NAALAD2: variants seen among roughly 807,000 people sequenced by gnomAD.
NAALAD2 encodes the protein N-acetylated alpha-linked acidic dipeptidase 2, also known as N-acetylated-alpha-linked acidic dipeptidase 2.
A neutral mutation model predicts 95.6 loss-of-function variants in NAALAD2; 89 were observed. The ratio of observed to expected loss-of-function variants is 0.93; its 90% CI spans 0.78 to 1.11. The LOEUF (loss-of-function observed/expected upper bound fraction) is 1.11, where lower values mean the gene tolerates loss of function less well. Among genes scored for constraint, NAALAD2 ranks in the 50% least tolerant of loss-of-function variants. The probability of loss-of-function intolerance (pLI) is 0.00; values close to 1 mark genes in which losing one functional copy is unlikely to be tolerated. For synonymous variants in NAALAD2, 264 were observed against 294.4 expected, an observed-to-expected ratio of 0.90 and a Z score of 1.06; for missense variants, 894 against 872.4, an observed-to-expected ratio of 1.02 and a Z score of -0.31.
chr11:90,152,983 G>A (rs529709509), intron 6 of NAALAD2, among the ~76,000 whole-genome samples: 2 of 152,136 alleles, frequency 1.3e-5, no homozygotes, highest in Admixed American at 6.5e-5. Context: ...TCTCAAAAAA[G>A]CTTCCTCTCG....
chr11:90,133,144 T>C (rs1032826387), upstream of NAALAD2, among the ~76,000 whole-genome samples: 18 of 152,342 alleles, frequency 1.2e-4, no homozygotes, highest in Admixed American at 3.9e-4. Flanking sequence ...AAAGGTGCAT[T>C]ACCTAAAGCT....
In NAALAD2 at chr11:90,140,770, A is replaced by G. The variant is rs1432865625; in HGVS notation, c.194+5100A>G. On this transcript the variant is annotated intron_variant, in intron 2 of 18. Transcript: ENST00000534061. ...CTTTTTGGATCATGCTTTTGGGTTC[A>G]TATCTAAGAACTCTTTGATCTGGAC... is the stretch of plus-strand genomic sequence containing the variant. Among the ~76,000 whole-genome samples the G allele has an allele frequency of 2.0e-5, 3 of 152,210 alleles. No individual in the cohort carries two copies. The South Asian group carries it at 6.2e-4, about 32-fold the overall frequency.
rs937090697 is a variant in NAALAD2 at position 90,161,785 on chromosome 11, G to A, written c.990-1164G>A. 3.3e-5 allele frequency among the ~76,000 whole-genome samples: 5 copies of A among 151,702 alleles called. No individual in the cohort carries two copies. The East Asian group carries it at 5.8e-4, about 18-fold the overall frequency. On this transcript the variant is annotated intron_variant, in intron 8 of 18. Coordinates refer to ENST00000534061, the MANE Select transcript of NAALAD2 (RefSeq NM_005467.4). ...TTTCTTCTTTTAATGACACAATACC[G>A]ATGAATTTGGGTTTCTTACTAATCA... is the stretch of plus-strand genomic sequence containing the variant.
chr11:90,158,111 A>C, intron 6 of NAALAD2, 34 bp from the exon 7 acceptor site: 4 of 1,450,846 alleles, frequency 2.8e-6, no homozygotes, highest in Non-Finnish European at 3.8e-6. Context: ...CAGATTTTTA[A>C]ATTGTTTTCA....
intron 6 of NAALAD2, 21 bp from the exon 7 acceptor site, chr11:90,158,124 T>A (rs776523886): frequency 6.6e-7 from 1 of 1,518,434 alleles, no homozygotes; most frequent in Non-Finnish European, 9.1e-7. Context: ...TGTTTTCATT[T>A]TATGCATTTG....
In NAALAD2 at chr11:90,175,952, G is replaced by GTGTGTGTGTGTGT; in HGVS notation, c.1503-20_1503-19insTGTGTGTGTGTGT. ...TATGTGTGTGTGTGTGTGTGTGTGTGGATTGCATTCTACATCTAGAATCAA... is the reference window on the plus strand; with the variant it reads ...TATGTGTGTGTGTGTGTGTGTGTGTGTGTGTGTGTGTGTGATTGCATTCTACATCTAGAATCAA... On this transcript the variant is annotated intron_variant, in intron 14 of 18. Coordinates refer to ENST00000534061, the MANE Select transcript of NAALAD2 (RefSeq NM_005467.4). The GTGTGTGTGTGTGT allele has an allele frequency of 7.7e-6, 11 of 1,436,772 alleles. No homozygotes were observed. The highest frequency in any genetic ancestry group is 9.8e-6 in the Non-Finnish European group (10 of 1,019,602). 89.0% of individuals were successfully genotyped at this position (1,436,772 alleles called of 1,614,324 possible). A position where few individuals can be genotyped will look rare whatever the true frequency, so the allele number is the denominator to read the frequency against.
At chr11:90,154,856 T>TATGTATATAGTATATACGTATACATA (rs1387984827) in intron 6 of NAALAD2, among the ~76,000 whole-genome samples, 2 of 143,430 alleles carry the variant, frequency 1.4e-5, no homozygotes, top group African/African-American at 5.1e-5. Context: ...GTATACATAA[T>TATGTATATAGTATATACGTATACATA]ATGTATATAT....
chr11:90,183,025 C>G lies in NAALAD2; in HGVS notation c.2033+17C>G. Reference sequence around the variant, plus strand: ...GTTCTATAGGTAAGGAAACAACAGGCGCCAAATACATCACTGTGACCAAAA... The same window carrying G: ...GTTCTATAGGTAAGGAAACAACAGGGGCCAAATACATCACTGTGACCAAAA... On this transcript the variant is annotated intron_variant, in intron 18 of 18. Coordinates refer to ENST00000534061, the MANE Select transcript of NAALAD2 (RefSeq NM_005467.4). 1 of 1,580,182 alleles carries G rather than the reference C, an allele frequency of 6.3e-7. No homozygotes were observed. The highest frequency in any genetic ancestry group is 8.7e-7 in the Non-Finnish European group (1 of 1,149,836).
intron 18 of NAALAD2, among the ~76,000 whole-genome samples, chr11:90,188,849 A>G (rs1857239769): frequency 6.6e-6 from 1 of 152,048 alleles, no homozygotes; most frequent in South Asian, 2.1e-4. Context: ...TTTTTTCCCT[A>G]ATGAAAGTTC....
At chr11:90,166,588 C>A (rs10765260) in intron 11 of NAALAD2, among the ~76,000 whole-genome samples, 68,577 of 151,972 alleles carry the variant, frequency 0.45, 16,521 homozygotes, top group African/African-American at 0.62. Flanking sequence ...GTTATCCCAG[C>A]ACTTTGGGAG....
chr11:90,189,006 G>A (rs1163315466), intron 18 of NAALAD2, among the ~76,000 whole-genome samples: 1 of 152,232 alleles, frequency 6.6e-6, no homozygotes, highest in African/African-American at 2.4e-5. Context: ...AATCAGCTGA[G>A]TTAAAATAGG....
intron 6 of NAALAD2, among the ~76,000 whole-genome samples, chr11:90,154,811 AAT>A (rs1951988000): frequency 4.1e-5 from 6 of 146,866 alleles, no homozygotes; most frequent in African/African-American, 1.5e-4. Context: ...ATATATATGT[AAT>A]ATATGTAATA....
chr11:90,152,429 T>G lies in NAALAD2; in HGVS notation c.741T>G (p.Asn247Lys). ...CTGGAACTGCAGCCCAGAGAGGAAA[T>G]GTGTTAAATTTGAATGGTGCTGGTG... ...NLPGTAAQRGNVLNLNGAGDP... is the reference protein window; with the variant it reads ...NLPGTAAQRGKVLNLNGAGDP... Residue 247 changes from asparagine to lysine, a missense_variant, in exon 6 of 19, where the codon AAT becomes AAG. By Grantham distance (94) the Asn-to-Lys change is moderately conservative (BLOSUM62 0). Coordinates refer to ENST00000534061, the MANE Select transcript of NAALAD2 (RefSeq NM_005467.4). The G allele has an allele frequency of 6.2e-7, 1 of 1,613,698 alleles. No homozygotes were observed. The highest frequency in any genetic ancestry group is 8.5e-7 in the Non-Finnish European group (1 of 1,179,788).
intron 6 of NAALAD2, among the ~76,000 whole-genome samples, chr11:90,156,107 A>G (rs1192138565): frequency 1.3e-5 from 2 of 151,714 alleles, no homozygotes; most frequent in Non-Finnish European, 2.9e-5. Flanking sequence ...GATGTTAGCA[A>G]TTTAGTCATT....
upstream of NAALAD2, among the ~76,000 whole-genome samples, chr11:90,134,245 G>A (rs1027965245): frequency 6.6e-6 from 1 of 152,190 alleles, no homozygotes; most frequent in Non-Finnish European, 1.5e-5. Context: ...GATGCTGACA[G>A]TGATTGCGGT....
intron 7 of NAALAD2, 142 bp downstream of exon 7, chr11:90,158,380 C>G (rs1222533883): frequency 1.7e-6 from 1 of 588,080 alleles, no homozygotes; most frequent in East Asian, 3.1e-5. Flanking sequence ...ACAGAGTATA[C>G]TATCTTTTTA....
At chr11:90,136,732 G>A (rs1434912975) in intron 2 of NAALAD2, among the ~76,000 whole-genome samples, 1 of 152,168 alleles carries the variant, frequency 6.6e-6, no homozygotes, top group African/African-American at 2.4e-5. Context: ...AAGCTGCTAT[G>A]AACAGATGTT....
chr11:90,149,069 C>G lies in NAALAD2; in HGVS notation c.445C>G (p.Pro149Ala). 1 of 1,605,200 alleles carries G rather than the reference C, an allele frequency of 6.2e-7. No individual in the cohort carries two copies. The highest frequency in any genetic ancestry group is 1.1e-5 in the South Asian group (1 of 90,302). The change falls in exon 4 of 19, where the codon CCA (proline) becomes GCA (alanine). Residue 149 changes from proline (P) to alanine (A), a missense_variant. By Grantham distance (27) the Pro-to-Ala change is conservative. Coordinates refer to ENST00000534061, the MANE Select transcript of NAALAD2 (RefSeq NM_005467.4). ...CTATGAGAATGTTACAAATATTGTGCCACCATATAATGCTTTCTCAGCCCA... is the reference window on the plus strand; with the variant it reads ...CTATGAGAATGTTACAAATATTGTGGCACCATATAATGCTTTCTCAGCCCA... ...DGYENVTNIV[P>A]PYNAFSAQGM... is the part of the protein sequence containing the mutation.
chr11:90,181,782 G>A, intron 17 of NAALAD2, 81 bp downstream of exon 17: 1 of 859,500 alleles, frequency 1.2e-6, no homozygotes. Flanking sequence ...ACTCATATTA[G>A]CATTAACCTC....
Sources: gnomAD v4.1 joint callset for allele counts (sites outside exome capture counted in the v4.1 genomes callset) on GRCh38, gnomAD v4.1.1 for gene constraint, MANE v1.5 for transcripts, NCBI Gene and HGNC (gene_info 2026-07-23, HGNC 2026-07-21) for gene names.